Variants in FAM78B observed in about 807,000 individuals in gnomAD.
FAM78B encodes the protein protein FAM78B.
Under a neutral mutation model 20.0 loss-of-function variants are expected in FAM78B, and 10 were observed. The observed-to-expected ratio is 0.50, with a 90% CI of 0.31 to 0.85. FAM78B has a LOEUF of 0.85. Ranked by LOEUF, FAM78B falls within the 40% of genes least tolerant of loss-of-function variation. The probability of loss-of-function intolerance (pLI) is 0.05; values close to 1 mark genes in which losing one functional copy is unlikely to be tolerated. For missense variants in FAM78B, 283 were observed against 345.0 expected (o/e 0.82, Z 1.42); for synonymous variants, 135 against 132.8 (o/e 1.02, Z -0.12).
At chr1:166,140,912 T>C (rs1020568093) in intron 1 of FAM78B, among the ~76,000 whole-genome samples, 6 of 152,172 alleles carry the variant, frequency 3.9e-5, no homozygotes, top group Non-Finnish European at 8.8e-5. Context: ...GGTAATATTA[T>C]CATTAGTGCT....
At chr1:166,074,507 T>C (rs937942737) in intron 1 of FAM78B, among the ~76,000 whole-genome samples, 3 of 152,246 alleles carry the variant, frequency 2.0e-5, no homozygotes, top group Non-Finnish European at 4.4e-5. Context: ...ATTAGTGTCT[T>C]GCACATGGCT....
rs543905613 is a variant in FAM78B at position 166,061,070 on chromosome 1, T to A, written c.*410-407A>T. 3.0e-4 allele frequency among the ~76,000 whole-genome samples: 45 copies of A among 152,304 alleles called. No individual in the cohort carries two copies. In the South Asian group the frequency reaches 8.9e-3, roughly 30 times the overall value. On this transcript the variant is annotated intron_variant and NMD_transcript_variant, in intron 2 of 2. Coordinates refer to the FAM78B transcript ENST00000435676. ...AGCTCTGTAGCTCACCCAACATTCC[T>A]GTGCAAGGGGGTCACACCACGACTG...
chr1:166,066,721 G>C (rs1394602348), downstream of FAM78B, among the ~76,000 whole-genome samples: 1 of 152,132 alleles, frequency 6.6e-6, no homozygotes, highest in Admixed American at 6.5e-5. Context: ...TTATTTTACT[G>C]ATCAGAATTG....
intron 1 of FAM78B, among the ~76,000 whole-genome samples, chr1:166,113,796 G>A (rs977375293): frequency 1.3e-5 from 2 of 152,234 alleles, no homozygotes; most frequent in African/African-American, 4.8e-5. Flanking sequence ...TAGGAGATGG[G>A]CCAGTGTGCA....
At chr1:166,097,651 G>C (rs1347884812) in intron 1 of FAM78B, among the ~76,000 whole-genome samples, 1 of 152,088 alleles carries the variant, frequency 6.6e-6, no homozygotes, top group East Asian at 1.9e-4. Flanking sequence ...TCTACAGAGG[G>C]AGCCATAATC....
At chr1:166,127,954 ACATAGAGCCAC>A (rs1293912744) in intron 1 of FAM78B, among the ~76,000 whole-genome samples, 7 of 152,196 alleles carry the variant, frequency 4.6e-5, no homozygotes, top group Non-Finnish European at 8.8e-5. Context: ...CAGATATAAA[ACATAGAGCCAC>A]CATGTCAGAC....
intron 1 of FAM78B, among the ~76,000 whole-genome samples, chr1:166,140,646 T>C (rs1655243818): frequency 6.6e-6 from 1 of 152,232 alleles, no homozygotes; most frequent in Admixed American, 6.5e-5. Context: ...TCAGTTTTCC[T>C]TACTGCAAAT....
chr1:166,129,909 G>A (rs1654812605), intron 1 of FAM78B, among the ~76,000 whole-genome samples: 1 of 152,150 alleles, frequency 6.6e-6, no homozygotes, highest in African/African-American at 2.4e-5. Flanking sequence ...AACACATTTG[G>A]CATTCCAAGC....
intron 1 of FAM78B, among the ~76,000 whole-genome samples, chr1:166,094,047 G>A (rs1653181174): frequency 6.8e-6 from 1 of 147,232 alleles, no homozygotes; most frequent in African/African-American, 2.5e-5. Context: ...GTGTGTGTGT[G>A]GTGTTCTTGA....
At chr1:166,093,938 G>C (rs1428050264) in intron 1 of FAM78B, among the ~76,000 whole-genome samples, 1 of 151,924 alleles carries the variant, frequency 6.6e-6, no homozygotes, top group African/African-American at 2.4e-5. Context: ...ACGGTGCACG[G>C]GGAGAGAGGA....
At chr1:166,057,965 G>GT (rs55915988) in exon 3 of FAM78B, 36,065 of 142,676 alleles carry the variant, frequency 0.25, 5,052 homozygotes, top group South Asian at 0.35. Context: ...TTTTTTTTGG[G>GT]TTTTTTTTTT....
At chr1:166,109,854 ATATATATG>A (rs1653950659) in intron 1 of FAM78B, among the ~76,000 whole-genome samples, 2 of 15,690 alleles carry the variant, frequency 1.3e-4, no homozygotes, top group Non-Finnish European at 4.0e-4. Flanking sequence ...ATATATATAT[ATATATATG>A]TATGTGTATA....
chr1:166,092,151 G>A (rs1285878431), intron 1 of FAM78B, among the ~76,000 whole-genome samples: 1 of 151,498 alleles, frequency 6.6e-6, no homozygotes, highest in Non-Finnish European at 1.5e-5. Flanking sequence ...CAAAATACCT[G>A]TAGTATACTT....
At chr1:166,085,619 G>C (rs1571147430) in intron 1 of FAM78B, among the ~76,000 whole-genome samples, 1 of 152,222 alleles carries the variant, frequency 6.6e-6, no homozygotes, top group Admixed American at 6.5e-5. Flanking sequence ...CACAGCGTGT[G>C]AGCAGGAGTG....
At chr1:166,123,861 T>C (rs1654547961) in intron 1 of FAM78B, among the ~76,000 whole-genome samples, 1 of 152,276 alleles carries the variant, frequency 6.6e-6, no homozygotes, top group African/African-American at 2.4e-5. Flanking sequence ...TGGGCAAACA[T>C]TATGATCGGC....
rs1198889944 is a variant in FAM78B, at chr1:166,110,449, AT to A, written c.264-39687del. 2.0e-5 allele frequency among the ~76,000 whole-genome samples: 3 copies of A among 152,190 alleles called. No homozygotes were observed. The East Asian group carries it at 5.8e-4, about 29-fold the overall frequency. ...GCTGTTTTGGACATTACTCATTATT[AT>A]TATTATTGTTCTTTTTCCCTGTGGC... On this transcript the variant is annotated intron_variant, in intron 1 of 1. Coordinates refer to ENST00000354422, the MANE Select transcript of FAM78B (RefSeq NM_001017961.5).
At chr1:166,066,794 T>C (rs535079276), downstream of FAM78B, among the ~76,000 whole-genome samples, 27 of 152,252 alleles carry the variant, frequency 1.8e-4, no homozygotes, top group African/African-American at 6.5e-4. Flanking sequence ...CAGGGAGTTG[T>C]AAAAAGGTCC....
intron 1 of FAM78B, among the ~76,000 whole-genome samples, chr1:166,139,347 T>A (rs995714534): frequency 6.6e-6 from 1 of 152,230 alleles, no homozygotes; most frequent in Non-Finnish European, 1.5e-5. Flanking sequence ...TAGTTTTACA[T>A]GCAAGCAGAC....
rs549935546 is a variant in FAM78B, at chr1:166,153,240, A to C, written c.263+12746T>G. ...TCCAGCTGTGGCTCCTTCCATATTT[A>C]TCTCTCCAGAGAGAGAGGGGGAGCA... On this transcript the variant is annotated intron_variant, in intron 1 of 1. Coordinates refer to ENST00000354422, the MANE Select transcript of FAM78B (RefSeq NM_001017961.5). Among the ~76,000 whole-genome samples the C allele has an allele frequency of 3.9e-5, 6 of 152,200 alleles. No homozygotes were observed. The South Asian group carries it at 6.2e-4, about 16-fold the overall frequency.
Sources: allele counts gnomAD v4.1 joint callset (sites outside exome capture counted in the v4.1 genomes callset), GRCh38; gene constraint gnomAD v4.1.1; transcripts MANE v1.5; gene names NCBI Gene and HGNC (gene_info 2026-07-23, HGNC 2026-07-21).